The following ABCA10 variants were observed in gnomAD, a reference collection of about 807,000 sequenced individuals.
ABCA10 encodes ATP-binding cassette sub-family A member 10.
ABCA10 carries 169 observed loss-of-function variants against 187.5 expected under a neutral mutation model. The observed-to-expected ratio is 0.90, with a 90% confidence interval of 0.80 to 1.02. The LOEUF (loss-of-function observed/expected upper bound fraction) is 1.02. Among genes scored for constraint, ABCA10 ranks in the 50% least tolerant of loss-of-function variants. ABCA10 has a pLI of 0.00. For synonymous variants in ABCA10, 574 were observed against 601.8 expected, an observed-to-expected ratio of 0.95 and a Z score of 0.68; for missense variants, 1,727 against 1,812.4, an observed-to-expected ratio of 0.95 and a Z score of 0.86.
chr17:69,207,950 G>C (rs1598115466), intron 9 of ABCA10, among the ~76,000 whole-genome samples: 1 of 152,196 alleles, frequency 6.6e-6, no homozygotes, highest in African/African-American at 2.4e-5. Context: ...ATAAGTATAT[G>C]AGGTAATGGA....
At chr17:69,149,294 C>T (rs553736596) in intron 37 of ABCA10, 41 of 531,832 alleles carry the variant, frequency 7.7e-5, no homozygotes, top group African/African-American at 1.1e-4. Context: ...CCTATAAACT[C>T]GAAAAAGCTC....
intron 1 of ABCA10, among the ~76,000 whole-genome samples, chr17:69,243,339 T>C (rs1342833151): frequency 6.6e-6 from 1 of 152,208 alleles, no homozygotes; most frequent in Non-Finnish European, 1.5e-5. Context: ...CTATTACACA[T>C]CTAGGCTATA....
intron 20 of ABCA10, among the ~76,000 whole-genome samples, chr17:69,184,350 G>A (rs1429602780): frequency 6.6e-6 from 1 of 152,014 alleles, no homozygotes; most frequent in Non-Finnish European, 1.5e-5. Context: ...CCTAGGGCAA[G>A]CTTGCATCCT....
chr17:69,153,232 C>CA, intron 34 of ABCA10, 73 bp downstream of exon 34: 5 of 1,512,908 alleles, frequency 3.3e-6, no homozygotes, highest in Non-Finnish European at 4.4e-6. Context: ...AACAAAGAAA[C>CA]AAAACAAAAA....
intron 18 of ABCA10, among the ~76,000 whole-genome samples, chr17:69,189,248 C>T (rs1328007538): frequency 1.3e-5 from 2 of 151,950 alleles, no homozygotes; most frequent in African/African-American, 2.4e-5. Context: ...GATGGTATCT[C>T]GTGGTTTTGA....
intron 9 of ABCA10, among the ~76,000 whole-genome samples, chr17:69,213,290 CTT>C (rs1380310974): frequency 6.6e-6 from 1 of 151,564 alleles, no homozygotes; most frequent in African/African-American, 2.4e-5. Flanking sequence ...TGTCTTTTGT[CTT>C]TAGCTACCAG....
At chr17:69,154,420 CTTTTTTT>C (rs56142812) in intron 30 of ABCA10, 94 bp from the exon 31 acceptor site, 7 of 464,312 alleles carry the variant, frequency 1.5e-5, no homozygotes, top group East Asian at 4.1e-5. Flanking sequence ...AACAAAATGA[CTTTTTTT>C]TTTTTTTTTT....
intron 15 of ABCA10, 128 bp downstream of exon 15, chr17:69,192,982 G>A: frequency 8.3e-6 from 11 of 1,325,536 alleles, no homozygotes; most frequent in Non-Finnish European, 1.1e-5. Flanking sequence ...ATGGCATGTG[G>A]AGGCTTGAAA....
rs924916009 is a variant in ABCA10, at chr17:69,148,926, CTAAG to C, written c.4534-5_4534-2del. On this transcript the variant is annotated splice_acceptor_variant and splice_polypyrimidine_tract_variant and intron_variant, in intron 38 of 38. Transcript: ENST00000690296. LOFTEE classifies it high-confidence loss of function. ...GCTCTTTACAGAGTTCTAAGAATACCTAAGTAAGAGAAAATAAAAAAGATACAAA... is the reference window on the plus strand; with the variant it reads ...GCTCTTTACAGAGTTCTAAGAATACCTAAGAGAAAATAAAAAAGATACAAA... 1 of 1,613,054 alleles carries C rather than the reference CTAAG, an allele frequency of 6.2e-7. No homozygotes were observed. The highest frequency in any genetic ancestry group is 1.7e-5 in the Admixed American group (1 of 59,960).
rs9909216 is a variant in ABCA10, at chr17:69,216,282, G to C, written c.607C>G (p.Pro203Ala). 1.2e-5 allele frequency: 19 copies of C among 1,613,230 alleles called. No individual in the cohort carries two copies. In the East Asian group the frequency reaches 4.2e-4, roughly 36 times the overall value. Residue 203 changes from proline to alanine, a missense_variant, in exon 7 of 39, where the codon CCA becomes GCA. Pro to Ala is a conservative substitution (Grantham distance 27). Transcript: ENST00000690296. Reference protein sequence around the residue: ...IFMALVITSIPIVFHTGFMVI... With the variant: ...IFMALVITSIAIVFHTGFMVI... ...ATGAAGCCAGTATGAAATACAATTG[G>C]GATTGATGTTATGACCAGAGCCATA...
At chr17:69,219,962 T>C (rs1485119069) in intron 5 of ABCA10, among the ~76,000 whole-genome samples, 191 bp from the exon 6 acceptor site, 1 of 152,240 alleles carries the variant, frequency 6.6e-6, no homozygotes. Flanking sequence ...TTTGAGAAAT[T>C]ACTGAAGGTC....
chr17:69,157,589 G>A (rs1437990461), intron 27 of ABCA10, among the ~76,000 whole-genome samples: 4 of 152,268 alleles, frequency 2.6e-5, no homozygotes, highest in East Asian at 1.9e-4. Context: ...CTAGGACATG[G>A]TTTAACATGG....
chr17:69,244,753 G>C (rs543085175), exon 1 of ABCA10: 1 of 151,356 alleles, frequency 6.6e-6, no homozygotes, highest in Non-Finnish European at 1.5e-5. Context: ...ATGAAGTTTT[G>C]AGTAACTAAC....
intron 9 of ABCA10, among the ~76,000 whole-genome samples, chr17:69,207,573 A>T (rs999401194): frequency 2.0e-5 from 3 of 152,156 alleles, no homozygotes; most frequent in Non-Finnish European, 2.9e-5. Flanking sequence ...TTTAGCTTGT[A>T]AAAAAAGGAA....
intron 22 of ABCA10, 52 bp downstream of exon 22, chr17:69,182,101 C>T (rs2074384034): frequency 6.9e-7 from 1 of 1,439,520 alleles, no homozygotes; most frequent in Non-Finnish European, 9.2e-7. Context: ...GAGCCCTCAT[C>T]CTTTATCCCT....
chr17:69,185,034 G>A (rs2074410793), intron 20 of ABCA10, among the ~76,000 whole-genome samples: 1 of 151,982 alleles, frequency 6.6e-6, no homozygotes, highest in South Asian at 2.1e-4. Context: ...CATTCTAAGT[G>A]AAGGTAACTC....
rs1280178455 is a variant in ABCA10, at chr17:69,148,737, T to G, written c.*90A>C. On this transcript the variant is annotated 3_prime_UTR_variant, in exon 39 of 39. Coordinates refer to ENST00000690296, the MANE Select transcript of ABCA10 (RefSeq NM_001377321.1). ...AATGTTTATTAAATGTTTTCTTTTG[T>G]TAACTGAAGTAAAAGGAAACATTCT... The G allele has an allele frequency of 9.1e-7, 1 of 1,095,794 alleles. No individual in the cohort carries two copies. The highest frequency in any genetic ancestry group is 1.3e-6 in the Non-Finnish European group (1 of 753,536). 67.9% of individuals were successfully genotyped at this position (1,095,794 alleles called of 1,614,324 possible).
chr17:69,173,016 G>C (rs1195845737), intron 25 of ABCA10, among the ~76,000 whole-genome samples: 1 of 152,068 alleles, frequency 6.6e-6, no homozygotes, highest in Non-Finnish European at 1.5e-5. Flanking sequence ...AATAGGGCTG[G>C]TGTATAATCA....
intron 1 of ABCA10, among the ~76,000 whole-genome samples, chr17:69,240,568 C>T (rs917854357): frequency 2.0e-5 from 3 of 152,174 alleles, no homozygotes; most frequent in African/African-American, 7.2e-5. Flanking sequence ...TCGGTTGGTA[C>T]AGTGAAATGC....
Sources: allele counts gnomAD v4.1 joint callset (sites outside exome capture counted in the v4.1 genomes callset), GRCh38; gene constraint gnomAD v4.1.1; transcripts MANE v1.5; gene names NCBI Gene and HGNC (gene_info 2026-07-23, HGNC 2026-07-21).